CDYL: variants seen among roughly 807,000 people sequenced by gnomAD.
CDYL encodes the protein chromodomain Y-like protein.
CDYL carries 8 observed loss-of-function variants against 47.3 expected under a neutral mutation model. The ratio of observed to expected loss-of-function variants is 0.17; its 90% CI spans 0.10 to 0.31. The LOEUF (loss-of-function observed/expected upper bound fraction) is 0.31. Ranked by LOEUF, CDYL falls within the 10% of genes least tolerant of loss-of-function variation. The pLI is 1.00. For synonymous variants in CDYL, 266 were observed against 265.0 expected, an observed-to-expected ratio of 1.00 and a Z score of -0.04; for missense variants, 471 against 701.4, an observed-to-expected ratio of 0.67 and a Z score of 3.71.
chr6:4,882,155 C>T (rs911020553), intron 1 of CDYL, among the ~76,000 whole-genome samples: 1 of 152,158 alleles, frequency 6.6e-6, no homozygotes, highest in African/African-American at 2.4e-5. Context: ...CACATTGATC[C>T]ATGACTCAAG....
chr6:4,851,009 T>C (rs1304862363), intron 1 of CDYL, among the ~76,000 whole-genome samples: 3 of 152,222 alleles, frequency 2.0e-5, no homozygotes, highest in African/African-American at 4.8e-5. Flanking sequence ...CACTAGGGTC[T>C]GTGGCTCTCG....
At chr6:4,813,840 T>C (rs1157586477) in intron 1 of CDYL, among the ~76,000 whole-genome samples, 1 of 152,172 alleles carries the variant, frequency 6.6e-6, no homozygotes, top group Non-Finnish European at 1.5e-5. Flanking sequence ...GTGGTGCGAT[T>C]ATGGCTCACT....
intron 1 of CDYL, among the ~76,000 whole-genome samples, chr6:4,831,511 G>A (rs535603708): frequency 2.8e-4 from 42 of 152,304 alleles, no homozygotes; most frequent in Non-Finnish European, 3.7e-4. Context: ...GTCAGGTGGC[G>A]TGATGCCTCC....
chr6:4,726,531 CAAAAAAAAA>C (rs58148317), intron 2 of CDYL, among the ~76,000 whole-genome samples: 18 of 100,368 alleles, frequency 1.8e-4, no homozygotes, highest in South Asian at 7.0e-4. Flanking sequence ...GACTCTGTCT[CAAAAAAAAA>C]AAAAAAAAAA....
At chr6:4,753,277 G>A (rs1300497177) in intron 3 of CDYL, among the ~76,000 whole-genome samples, 1 of 152,086 alleles carries the variant, frequency 6.6e-6, no homozygotes, top group Non-Finnish European at 1.5e-5. Flanking sequence ...GGAGTCAAGT[G>A]GTAACAAGAC....
rs1554135358 is a variant in CDYL, at chr6:4,776,855, T to TA, written c.24+48_24+49insA. 1.8e-5 allele frequency: 11 copies of TA among 596,662 alleles called. 1 individual carries two copies. Among genetic ancestry groups the TA allele is most frequent in the Middle Eastern group, 8.3e-4 (1 of 1,212 alleles). The allele number at this position is 596,662 out of a possible 1,614,324, so 37.0% of individuals were successfully genotyped here. A position where few individuals can be genotyped will look rare whatever the true frequency, so the allele number is the denominator to read the frequency against. On this transcript the variant is annotated intron_variant, in intron 1 of 6. Coordinates refer to ENST00000397588, the MANE Select transcript of CDYL (RefSeq NM_004824.4). ...CGGGCCGCCCCCCGCCCGCCGCCCC[T>TA]CCCGGCCCGGCCGCGCCGCCCGACG...
At chr6:4,717,740 A>AAAAAAAAAAAAAAAAAT (rs1491395482) in intron 2 of CDYL, among the ~76,000 whole-genome samples, 3 of 118,762 alleles carry the variant, frequency 2.5e-5, no homozygotes, top group Admixed American at 9.0e-5. Context: ...AAAAAAAAAA[A>AAAAAAAAAAAAAAAAAT]TTAAAAATTG....
At chr6:4,878,031 TTTCTC>T (rs1761665203) in intron 1 of CDYL, among the ~76,000 whole-genome samples, 2 of 152,182 alleles carry the variant, frequency 1.3e-5, no homozygotes, top group African/African-American at 2.4e-5. Flanking sequence ...AAATATGGCT[TTTCTC>T]TTCTATTCTC....
intron 1 of CDYL, among the ~76,000 whole-genome samples, chr6:4,870,808 T>C (rs1247143379): frequency 2.0e-5 from 3 of 152,220 alleles, no homozygotes; most frequent in Non-Finnish European, 4.4e-5. Context: ...ATTTTTAAAC[T>C]CTAGAATTAT....
chr6:4,875,527 T>C (rs959045113), intron 1 of CDYL, among the ~76,000 whole-genome samples: 1 of 152,218 alleles, frequency 6.6e-6, no homozygotes. Flanking sequence ...ATTTCTAATA[T>C]TTTGGCTTTT....
intron 2 of CDYL, among the ~76,000 whole-genome samples, chr6:4,925,238 G>A (rs1757832132): frequency 6.6e-6 from 1 of 152,090 alleles, no homozygotes; most frequent in South Asian, 2.1e-4. Context: ...CGTTCCTAAT[G>A]TGTCACTTGT....
chr6:4,857,541 T>C (rs914360995), intron 1 of CDYL, among the ~76,000 whole-genome samples: 1 of 152,184 alleles, frequency 6.6e-6, no homozygotes, highest in Non-Finnish European at 1.5e-5. Context: ...TCTTTGTAGC[T>C]TTGTAGGCCT....
intron 5 of CDYL, among the ~76,000 whole-genome samples, chr6:4,946,470 TGCCCATCCACCCAGTGA>T (rs1274155529): frequency 3.9e-5 from 6 of 152,136 alleles, no homozygotes; most frequent in Non-Finnish European, 7.4e-5. Flanking sequence ...CTTTTTGGCT[TGCCCATCCACCCAGTGA>T]GCCAACCCAC....
chr6:4,869,669 C>T (rs773606360), intron 1 of CDYL, among the ~76,000 whole-genome samples: 12 of 151,864 alleles, frequency 7.9e-5, no homozygotes, highest in South Asian at 4.2e-4. Context: ...TATCGCAGCC[C>T]GCTTGGGATT....
At chr6:4,750,637 G>A (rs571726636) in intron 3 of CDYL, among the ~76,000 whole-genome samples, 9 of 152,196 alleles carry the variant, frequency 5.9e-5, no homozygotes, top group South Asian at 2.1e-4. Context: ...ACTGCACAAC[G>A]ACAACAATCA....
intron 1 of CDYL, among the ~76,000 whole-genome samples, chr6:4,780,021 C>T (rs1195689602): frequency 2.6e-5 from 4 of 152,038 alleles, no homozygotes; most frequent in Non-Finnish European, 5.9e-5. Flanking sequence ...CAAAAATAGG[C>T]AGTGGGCTGG....
rs563752821 is a variant in CDYL, at chr6:4,932,210, C to T, written c.692-3305C>T. ...CCATCAACTGGGTGGCTTGTAAATACACAACAGAATTATTGTGTTAATTAT... is the reference window on the plus strand; with the variant it reads ...CCATCAACTGGGTGGCTTGTAAATATACAACAGAATTATTGTGTTAATTAT... On this transcript the variant is annotated intron_variant, in intron 2 of 6. Transcript: ENST00000397588. Among the ~76,000 whole-genome samples the T allele has an allele frequency of 5.3e-5, 8 of 152,304 alleles. No individual in the cohort carries two copies. The South Asian group carries it at 1.7e-3, about 32-fold the overall frequency.
intron 2 of CDYL, among the ~76,000 whole-genome samples, chr6:4,907,069 A>G (rs1757260438): frequency 6.6e-6 from 1 of 152,176 alleles, no homozygotes; most frequent in Non-Finnish European, 1.5e-5. Context: ...TAACGCTGTG[A>G]CAGCCTGGGG....
chr6:4,738,186 G>A (rs1225366577), intron 3 of CDYL, among the ~76,000 whole-genome samples: 2 of 152,016 alleles, frequency 1.3e-5, no homozygotes, highest in Non-Finnish European at 2.9e-5. Flanking sequence ...GACCAGCCTG[G>A]CCAACATGGT....
Sources: allele counts gnomAD v4.1 joint callset (sites outside exome capture counted in the v4.1 genomes callset), GRCh38; gene constraint gnomAD v4.1.1; transcripts MANE v1.5; gene names NCBI Gene and HGNC (gene_info 2026-07-23, HGNC 2026-07-21).